NAA16: variants seen among roughly 807,000 people sequenced by gnomAD.
NAA16 encodes N-alpha-acetyltransferase 16, NatA auxiliary subunit.
In NAA16, 97 loss-of-function variants were observed where a neutral mutation model predicts 110.3. The ratio of observed to expected loss-of-function variants is 0.88; its 90% CI spans 0.75 to 1.04. The LOEUF (loss-of-function observed/expected upper bound fraction) is 1.04, where lower values mean the gene tolerates loss of function less well. Among genes scored for constraint, NAA16 ranks in the 50% least tolerant of loss-of-function variants. NAA16 has a pLI of 0.00. For missense variants in NAA16, 1,017 were observed against 1,005.1 expected, an observed-to-expected ratio of 1.01 and a Z score of -0.16; for synonymous variants, 372 against 330.6, an observed-to-expected ratio of 1.13 and a Z score of -1.36.
intron 12 of NAA16, among the ~76,000 whole-genome samples, chr13:41,360,829 A>G (rs2043097625): frequency 6.6e-6 from 1 of 152,210 alleles, no homozygotes; most frequent in East Asian, 1.9e-4. Context: ...TACATGTTGG[A>G]TAGTTCTAGT....
In NAA16 at chr13:41,329,009, AC is replaced by A. The variant is rs1383083780; in HGVS notation, c.811+167del. ...GGAGTAAAAATGAATTCAAATAGTT[AC>A]ACTTAAGTGTAAGTGATTGCAGATA... On this transcript the variant is annotated intron_variant, in intron 7 of 19. Transcript: ENST00000379406. Among the ~76,000 whole-genome samples, 5 of 152,200 alleles carry A rather than the reference AC, an allele frequency of 3.3e-5. No individual in the cohort carries two copies. The East Asian group carries it at 9.6e-4, about 29-fold the overall frequency.
At chr13:41,359,056 G>A in intron 12 of NAA16, 94 bp downstream of exon 12, 2 of 1,097,632 alleles carry the variant, frequency 1.8e-6, no homozygotes, top group East Asian at 4.9e-5. Flanking sequence ...AACTTCAGTG[G>A]AAGTTCATAA....
At chr13:41,322,905 G>A (rs1222098857) in intron 4 of NAA16, 151 bp from the exon 5 acceptor site, 1 of 731,342 alleles carries the variant, frequency 1.4e-6, no homozygotes, top group Non-Finnish European at 2.3e-6. Flanking sequence ...AGTATTTTAG[G>A]TAGGAAACAT....
rs756748977 is a variant in NAA16 at position 41,318,809 on chromosome 13, CT to C, written c.146del (p.Leu49TrpfsTer3). On this transcript the variant is annotated frameshift_variant, in exon 3 of 20. Coordinates refer to ENST00000379406, the MANE Select transcript of NAA16 (RefSeq NM_024561.5). LOFTEE classifies it high-confidence loss of function. ...SNPKFAEHGE[T>X]LAMKGLTLNC... is the part of the protein sequence containing the mutation. ...GAGTTTAAAAATTATTTTTCAGAGACTTTGGCTATGAAAGGATTAACACTGA... is the reference window on the plus strand; with the variant it reads ...GAGTTTAAAAATTATTTTTCAGAGACTTGGCTATGAAAGGATTAACACTGA... 1.3e-6 allele frequency: 2 copies of C among 1,534,296 alleles called. No homozygotes were observed. Among genetic ancestry groups the C allele is most frequent in the Admixed American group, 2.1e-5 (1 of 47,202 alleles).
chr13:41,349,782 T>C (rs2042778031), intron 9 of NAA16, among the ~76,000 whole-genome samples: 1 of 151,796 alleles, frequency 6.6e-6, no homozygotes, highest in African/African-American at 2.4e-5. Context: ...CTGACCAACA[T>C]GGTGAAACCC....
intron 6 of NAA16, chr13:41,328,143 T>G: frequency 6.6e-6 from 1 of 152,082 alleles, no homozygotes; most frequent in East Asian, 1.9e-4. Context: ...CCACACCACC[T>G]CTTAATTTGT....
intron 5 of NAA16, among the ~76,000 whole-genome samples, chr13:41,323,672 A>G (rs1405627546): frequency 1.4e-5 from 2 of 148,078 alleles, no homozygotes; most frequent in Non-Finnish European, 3.0e-5. Context: ...TTTTTAAGAG[A>G]CGGGGTCTTG....
chr13:41,359,538 A>C (rs2139497261), intron 12 of NAA16, among the ~76,000 whole-genome samples: 1 of 152,328 alleles, frequency 6.6e-6, no homozygotes, highest in Admixed American at 6.5e-5. Flanking sequence ...AAGCTCAGAA[A>C]CAGATTTCAC....
Position 41,311,488 on chromosome 13 carries a change from C to T in NAA16, c.-41C>T. ...CCCGCGAAGCGGAGCGCCCGGGCAC[C>T]TAGCCTCCCTGCCGGCCACCTAGCC... On this transcript the variant is annotated 5_prime_UTR_variant, in exon 1 of 20. Coordinates refer to ENST00000379406, the MANE Select transcript of NAA16 (RefSeq NM_024561.5). The T allele has an allele frequency of 6.4e-7, 1 of 1,565,864 alleles. No homozygotes were observed. Among genetic ancestry groups the T allele is most frequent in the Non-Finnish European group, 8.7e-7 (1 of 1,155,622 alleles).
rs545473846 is a variant in NAA16 at position 41,320,920 on chromosome 13, T to C, written c.402+96T>C. On this transcript the variant is annotated intron_variant, in intron 4 of 19. Coordinates refer to ENST00000379406, the MANE Select transcript of NAA16 (RefSeq NM_024561.5). ...GAGGTGAGCATAAGCCAAAATCAAG[T>C]AGATTTGATTGTTCATTAGAAGGTG... 644 of 1,082,296 alleles carry C rather than the reference T, an allele frequency of 6.0e-4. 1 individual carries two copies. The highest frequency in any genetic ancestry group is 1.5e-3 in the Admixed American group (52 of 34,078). 67.0% of individuals were successfully genotyped at this position (1,082,296 alleles called of 1,614,324 possible). A position where few individuals can be genotyped will look rare whatever the true frequency, so the allele number is the denominator to read the frequency against.
intron 12 of NAA16, among the ~76,000 whole-genome samples, chr13:41,361,072 G>A (rs1205035541): frequency 1.3e-5 from 2 of 152,130 alleles, no homozygotes; most frequent in Non-Finnish European, 2.9e-5. Context: ...GTGTATCTTT[G>A]CATCCTTTCC....
intron 8 of NAA16, among the ~76,000 whole-genome samples, chr13:41,336,103 A>C (rs144200237): frequency 6.6e-6 from 1 of 152,184 alleles, no homozygotes; most frequent in East Asian, 1.9e-4. Flanking sequence ...TCTAATGTCT[A>C]ACATAAATTT....
At chr13:41,348,600 A>T (rs898609534) in intron 9 of NAA16, among the ~76,000 whole-genome samples, 6 of 152,172 alleles carry the variant, frequency 3.9e-5, no homozygotes, top group African/African-American at 1.4e-4. Context: ...ATAAAGGTCT[A>T]GTTTTCTTTT....
chr13:41,344,266 A>C (rs1593472228), intron 9 of NAA16, among the ~76,000 whole-genome samples: 1 of 152,224 alleles, frequency 6.6e-6, no homozygotes, highest in African/African-American at 2.4e-5. Context: ...GTGTGCCTGA[A>C]ATATTTCCTG....
In NAA16 at chr13:41,372,462, G is replaced by T. The variant is rs144273664; in HGVS notation, c.2056+151G>T. 2,139 of 1,345,008 alleles carry T rather than the reference G, an allele frequency of 1.6e-3. 28 individuals carry two copies. In the African/African-American group the frequency reaches 0.029, roughly 18 times the overall value. 83.3% of individuals were successfully genotyped at this position (1,345,008 alleles called of 1,614,324 possible). Reference sequence around the variant, plus strand: ...CCTTGGCTACTCGAAACTTAGGTGGGTAATAAATTAGAATAGTACTATCAA... The same window carrying T: ...CCTTGGCTACTCGAAACTTAGGTGGTTAATAAATTAGAATAGTACTATCAA... On this transcript the variant is annotated intron_variant, in intron 16 of 19. Coordinates refer to ENST00000379406, the MANE Select transcript of NAA16 (RefSeq NM_024561.5).
At chr13:41,319,909 A>T (rs1012505695) in intron 3 of NAA16, among the ~76,000 whole-genome samples, 1 of 151,422 alleles carries the variant, frequency 6.6e-6, no homozygotes, top group African/African-American at 2.4e-5. Flanking sequence ...ATTTTTTTTC[A>T]CATATTGCCC....
rs1018675044 is a variant in NAA16, at chr13:41,374,643, T to G, written c.2300-99T>G. The G allele has an allele frequency of 5.1e-6, 4 of 777,720 alleles. No homozygotes were observed. The Admixed American group carries it at 8.0e-5, about 16-fold the overall frequency. The allele number at this position is 777,720 out of a possible 1,614,324, so 48.2% of individuals were successfully genotyped here. A position where few individuals can be genotyped will look rare whatever the true frequency, so the allele number is the denominator to read the frequency against. On this transcript the variant is annotated intron_variant, in intron 18 of 19. Coordinates refer to ENST00000379406, the MANE Select transcript of NAA16 (RefSeq NM_024561.5). Reference sequence around the variant, plus strand: ...GAGCCAGCTCCAGCTTACCACTGATTAAACACTTAAAACCATATTTGAAGT... The same window carrying G: ...GAGCCAGCTCCAGCTTACCACTGATGAAACACTTAAAACCATATTTGAAGT...
intron 8 of NAA16, among the ~76,000 whole-genome samples, chr13:41,334,524 T>C (rs1026326840): frequency 1.1e-4 from 16 of 152,196 alleles, no homozygotes; most frequent in Non-Finnish European, 1.8e-4. Flanking sequence ...TTCATGTAAA[T>C]ATGGACATCA....
chr13:41,327,735 T>C lies in NAA16; in HGVS notation c.692-989T>C, dbSNP rs536546998. The stretch of plus-strand genomic sequence containing the variant: ...AAGATAATCATGGAGGAATGGGGCA[T>C]GTTTAAAGTTTTAAGTAGCAGACAT... On this transcript the variant is annotated intron_variant, in intron 6 of 19. Transcript: ENST00000379406. The C allele has an allele frequency of 4.3e-4, 58 of 134,524 alleles. 3 individuals carry two copies. The highest frequency in any genetic ancestry group is 2.3e-3 in the African/African-American group (57 of 25,086). 8.3% of individuals were successfully genotyped at this position (134,524 alleles called of 1,614,324 possible).
Sources: allele counts gnomAD v4.1 joint callset (sites outside exome capture counted in the v4.1 genomes callset), GRCh38; gene constraint gnomAD v4.1.1; transcripts MANE v1.5; gene names NCBI Gene and HGNC (gene_info 2026-07-23, HGNC 2026-07-21).